Variants in BCKDHB observed in about 807,000 individuals in gnomAD.
BCKDHB encodes the protein branched chain keto acid dehydrogenase E1 subunit beta, also known as 2-oxoisovalerate dehydrogenase subunit beta, mitochondrial.
Under a neutral mutation model 48.5 loss-of-function variants are expected in BCKDHB, and 41 were observed. That is an observed-to-expected ratio of 0.85 (90% CI 0.66 to 1.10). The LOEUF (loss-of-function observed/expected upper bound fraction) is 1.10, where lower values mean the gene tolerates loss of function less well. Among genes scored for constraint, BCKDHB ranks in the 50% least tolerant of loss-of-function variants. BCKDHB has a pLI of 0.00. For missense variants in BCKDHB, 496 were observed against 494.2 expected (o/e 1.00, Z -0.03); for synonymous variants, 201 against 174.8 (o/e 1.15, Z -1.18).
chr6:80,169,628 A>G (rs371996032), intron 5 of BCKDHB, among the ~76,000 whole-genome samples: 6 of 152,160 alleles, frequency 3.9e-5, no homozygotes, highest in African/African-American at 1.4e-4. Context: ...TGAGTTTTTT[A>G]TGTCTTAATT....
chr6:80,403,296 A>C, the BCKDHB span, among the ~76,000 whole-genome samples: 1 of 151,826 alleles, frequency 6.6e-6, no homozygotes, highest in African/African-American at 2.4e-5. Context: ...GTTTTTCAGC[A>C]TACAGATCTT....
chr6:80,289,897 A>G (rs1248508645), intron 9 of BCKDHB, among the ~76,000 whole-genome samples: 7 of 152,140 alleles, frequency 4.6e-5, no homozygotes, highest in Non-Finnish European at 1.0e-4. Context: ...ACCCCAGCTG[A>G]CCTTCAAGCT....
the BCKDHB span, among the ~76,000 whole-genome samples, chr6:80,396,756 T>G: frequency 1.3e-5 from 2 of 152,226 alleles, no homozygotes; most frequent in African/African-American, 4.8e-5. Flanking sequence ...TTCTTTCTCC[T>G]GCTGCCTTGT....
intron 7 of BCKDHB, among the ~76,000 whole-genome samples, chr6:80,201,765 C>T (rs559836677): frequency 6.6e-5 from 10 of 152,186 alleles, no homozygotes; most frequent in Admixed American, 5.2e-4. Context: ...TCTCTGGCCA[C>T]GAACTCCTAT....
intron 8 of BCKDHB, among the ~76,000 whole-genome samples, chr6:80,227,549 T>G (rs1001013886): frequency 6.6e-6 from 1 of 152,366 alleles, no homozygotes; most frequent in Non-Finnish European, 1.5e-5. Context: ...TCCAGTTTTG[T>G]GTCCCAGAAG....
intron 9 of BCKDHB, among the ~76,000 whole-genome samples, chr6:80,328,875 C>T (rs796863479): frequency 1.8e-4 from 28 of 152,220 alleles, no homozygotes; most frequent in African/African-American, 5.1e-4. Context: ...TTTCTCTCCA[C>T]GGTAGATTCC....
intron 9 of BCKDHB, among the ~76,000 whole-genome samples, chr6:80,325,240 T>TACTG (rs905483120): frequency 6.6e-6 from 1 of 152,194 alleles, no homozygotes; most frequent in Non-Finnish European, 1.5e-5. Flanking sequence ...TAGCACATCT[T>TACTG]ACTGACTGAT....
At chr6:80,303,236 T>G (rs961619876) in intron 9 of BCKDHB, among the ~76,000 whole-genome samples, 1 of 152,150 alleles carries the variant, frequency 6.6e-6, no homozygotes, top group Admixed American at 6.5e-5. Context: ...GGAAGCGGAT[T>G]TGCATAATCT....
At chr6:80,117,044 T>C (rs2127713310) in intron 1 of BCKDHB, among the ~76,000 whole-genome samples, 1 of 152,344 alleles carries the variant, frequency 6.6e-6, no homozygotes, top group Admixed American at 6.5e-5. Flanking sequence ...GATTTCTTCT[T>C]GCCTTGTCCA....
intron 9 of BCKDHB, among the ~76,000 whole-genome samples, chr6:80,298,705 C>T (rs1255676805): frequency 6.6e-6 from 1 of 152,040 alleles, no homozygotes; most frequent in African/African-American, 2.4e-5. Flanking sequence ...AAGATGGTCA[C>T]CCTAAGTAAC....
intron 8 of BCKDHB, among the ~76,000 whole-genome samples, chr6:80,271,766 T>C (rs2127962979): frequency 6.6e-6 from 1 of 151,506 alleles, no homozygotes; most frequent in East Asian, 1.9e-4. Context: ...TGAGCCGACA[T>C]GGTGCCACTG....
At chr6:80,278,453 G>A (rs1582490996) in intron 9 of BCKDHB, among the ~76,000 whole-genome samples, 1 of 152,180 alleles carries the variant, frequency 6.6e-6, no homozygotes, top group African/African-American at 2.4e-5. Flanking sequence ...ACTGTTTGTA[G>A]TTAAATCCAT....
At chr6:80,247,854 A>T (rs1454603502) in intron 8 of BCKDHB, among the ~76,000 whole-genome samples, 3 of 152,208 alleles carry the variant, frequency 2.0e-5, no homozygotes, top group Non-Finnish European at 2.9e-5. Flanking sequence ...CCACTTTAAC[A>T]TTGGGGTGGT....
the BCKDHB span, among the ~76,000 whole-genome samples, chr6:80,351,417 T>C: frequency 1.3e-5 from 2 of 152,252 alleles, no homozygotes; most frequent in South Asian, 2.1e-4. Flanking sequence ...TCTGTTCTTG[T>C]AGTTACAAAT....
the BCKDHB span, among the ~76,000 whole-genome samples, chr6:80,361,727 T>C: frequency 9.2e-5 from 14 of 152,188 alleles, no homozygotes; most frequent in Non-Finnish European, 1.9e-4. Flanking sequence ...AAGCAGAGTT[T>C]GGAAAAATGG....
At chr6:80,374,403 C>T in the BCKDHB span, 27 of 788,924 alleles carry the variant, frequency 3.4e-5, 1 homozygote, top group South Asian at 5.3e-5. Context: ...TGGTACGCAC[C>T]GTTTCTGTAA....
intron 8 of BCKDHB, among the ~76,000 whole-genome samples, chr6:80,227,351 AG>A (rs972436709): frequency 6.6e-6 from 1 of 152,184 alleles, no homozygotes; most frequent in African/African-American, 2.4e-5. Context: ...CCCTTTAGGG[AG>A]TCCAGTTGAT....
At chr6:80,308,618 G>A (rs529752875) in intron 9 of BCKDHB, among the ~76,000 whole-genome samples, 11 of 144,952 alleles carry the variant, frequency 7.6e-5, no homozygotes, top group African/African-American at 2.8e-4. Context: ...TTTTTGAGAC[G>A]GAGTCTCGCT....
chr6:80,356,596 A>T, the BCKDHB span: 1 of 152,208 alleles, frequency 6.6e-6, no homozygotes, highest in East Asian at 1.9e-4. Context: ...TTACTTACAA[A>T]GGAGTAATTA....
Sources: gnomAD v4.1 joint callset for allele counts (sites outside exome capture counted in the v4.1 genomes callset) on GRCh38, gnomAD v4.1.1 for gene constraint, MANE v1.5 for transcripts, NCBI Gene and HGNC (gene_info 2026-07-23, HGNC 2026-07-21) for gene names.